The following ASIP variants were observed in gnomAD, a reference collection of about 807,000 sequenced individuals.
ASIP encodes agouti signaling protein.
In ASIP, 11 loss-of-function variants were observed where a neutral mutation model predicts 10.3. That is an observed-to-expected ratio of 1.07 (90% CI 0.68 to 1.78). ASIP has a LOEUF of 1.78. ASIP is among the 40% of genes most tolerant of loss of function. The pLI is 0.00. For synonymous variants in ASIP, 70 were observed against 70.8 expected (o/e 0.99, Z 0.06); for missense variants, 180 against 169.2 (o/e 1.06, Z -0.35).
chr20:34,213,612 G>A, intron 1 of ASIP: 1 of 1,564,694 alleles, frequency 6.4e-7, no homozygotes, highest in Admixed American at 1.7e-5. Context: ...CCTTGAATTT[G>A]GCCGTAATCT....
chr20:34,195,625 C>T (rs978933295), intron 1 of ASIP, among the ~76,000 whole-genome samples: 1 of 152,082 alleles, frequency 6.6e-6, no homozygotes, highest in Non-Finnish European at 1.5e-5. Flanking sequence ...GAAAGCTGAC[C>T]GACATTTACC....
At chr20:34,209,643 G>A (rs913947093) in intron 1 of ASIP, among the ~76,000 whole-genome samples, 1 of 152,230 alleles carries the variant, frequency 6.6e-6, no homozygotes, top group African/African-American at 2.4e-5. Flanking sequence ...CAACCCAGCC[G>A]TGTGTGCATA....
intron 1 of ASIP, among the ~76,000 whole-genome samples, chr20:34,198,709 C>G (rs1175442447): frequency 6.6e-6 from 1 of 152,106 alleles, no homozygotes. Flanking sequence ...TGGTCTCTAA[C>G]TTCAAGTGAA....
upstream of ASIP, among the ~76,000 whole-genome samples, chr20:34,237,868 G>A (rs547583238): frequency 6.6e-6 from 1 of 152,164 alleles, no homozygotes; most frequent in Non-Finnish European, 1.5e-5. Context: ...ATGAAATTAT[G>A]TTAGAGTTTG....
At chr20:34,191,435 T>G (rs2122524784), upstream of ASIP, among the ~76,000 whole-genome samples, 1 of 152,224 alleles carries the variant, frequency 6.6e-6, no homozygotes, top group Admixed American at 6.5e-5. Context: ...CACACTGTCA[T>G]CCCCATTGAA....
chr20:34,246,288 T>A, intron 1 of ASIP: 1 of 1,545,060 alleles, frequency 6.5e-7, no homozygotes, highest in East Asian at 2.4e-5. Flanking sequence ...TCCCCTGCTG[T>A]TCCTTGACCC....
intron 1 of ASIP, among the ~76,000 whole-genome samples, chr20:34,223,105 G>A (rs2035061503): frequency 6.6e-6 from 1 of 151,318 alleles, no homozygotes; most frequent in South Asian, 2.1e-4. Flanking sequence ...TGGGATGTGA[G>A]GAGCCCCTCT....
the ASIP span, among the ~76,000 whole-genome samples, chr20:34,188,946 T>C: frequency 1.3e-5 from 2 of 152,208 alleles, no homozygotes; most frequent in Non-Finnish European, 2.9e-5. Flanking sequence ...CCTATAAGCA[T>C]TATGATAGGG....
At chr20:34,186,965 C>T in the ASIP span, among the ~76,000 whole-genome samples, 1 of 152,136 alleles carries the variant, frequency 6.6e-6, no homozygotes, top group Non-Finnish European at 1.5e-5. Context: ...AGGTGCGTGC[C>T]ACCACACCTG....
chr20:34,214,984 G>A (rs532249775), intron 1 of ASIP: 28 of 1,404,794 alleles, frequency 2.0e-5, no homozygotes, highest in Middle Eastern at 1.8e-4. Flanking sequence ...TCCGTTTACC[G>A]GCTTAGAAAA....
At position 34,241,627 on chromosome 20, in the gene ASIP, G is replaced by A. The variant is rs1601590538; in HGVS notation, c.-11+138G>A. On this transcript the variant is annotated intron_variant, in intron 1 of 3. Coordinates refer to ENST00000374954, the MANE Select transcript of ASIP (RefSeq NM_001672.3). ...TTTTGATTCACTTTTGTGGGTCAGAGTAGTTAAGAGGAGTTCAGTGTGAAG... is the reference window on the plus strand; with the variant it reads ...TTTTGATTCACTTTTGTGGGTCAGAATAGTTAAGAGGAGTTCAGTGTGAAG... 1.2e-5 allele frequency: 9 copies of A among 743,938 alleles called. No homozygotes were observed. The South Asian group carries it at 4.9e-4, about 40-fold the overall frequency. The allele number at this position is 743,938 out of a possible 1,614,324, so 46.1% of individuals were successfully genotyped here. A position where few individuals can be genotyped will look rare whatever the true frequency, so the allele number is the denominator to read the frequency against.
chr20:34,235,895 AAGGAAAGG>A (rs759213263), intron 1 of ASIP, among the ~76,000 whole-genome samples: 1,051 of 80,574 alleles, frequency 0.013, 91 homozygotes, highest in African/African-American at 0.033. Context: ...GGAAGGAAGG[AAGGAAAGG>A]AAGGAAGGAA....
intron 1 of ASIP, among the ~76,000 whole-genome samples, chr20:34,225,868 A>G (rs928846727): frequency 6.6e-5 from 10 of 151,318 alleles, no homozygotes; most frequent in African/African-American, 2.4e-4. Context: ...TAAAATACTT[A>G]TGTAATAACT....
intron 1 of ASIP, among the ~76,000 whole-genome samples, chr20:34,223,064 G>A (rs981917312): frequency 2.6e-5 from 4 of 152,120 alleles, no homozygotes; most frequent in African/African-American, 4.8e-5. Context: ...TCTGGGAAGT[G>A]AGGAGTGTCT....
intron 1 of ASIP, among the ~76,000 whole-genome samples, chr20:34,228,034 G>A (rs896618309): frequency 1.1e-4 from 16 of 152,144 alleles, no homozygotes; most frequent in Admixed American, 3.3e-4. Context: ...TTAGCCATAT[G>A]CAATAAAATG....
chr20:34,199,148 G>A (rs1481248293), intron 1 of ASIP, among the ~76,000 whole-genome samples: 1 of 151,890 alleles, frequency 6.6e-6, no homozygotes, highest in African/African-American at 2.4e-5. Context: ...ACCACAATTT[G>A]TTTATCCATT....
intron 1 of ASIP, among the ~76,000 whole-genome samples, chr20:34,203,690 C>A (rs965925298): frequency 6.6e-6 from 1 of 152,146 alleles, no homozygotes; most frequent in African/African-American, 2.4e-5. Context: ...AGCCAATGCA[C>A]CCAGCCTTAT....
chr20:34,193,774 C>T (rs755256962), upstream of ASIP, among the ~76,000 whole-genome samples: 22 of 152,132 alleles, frequency 1.4e-4, no homozygotes, highest in Non-Finnish European at 2.8e-4. Context: ...AAACTATGGC[C>T]GTGCAAATCA....
intron 1 of ASIP, chr20:34,213,594 T>G: frequency 6.4e-7 from 1 of 1,562,552 alleles, no homozygotes; most frequent in Non-Finnish European, 8.8e-7. Flanking sequence ...AAAACGGGGA[T>G]ACTTGTACCT....
Sources: allele counts gnomAD v4.1 joint callset (sites outside exome capture counted in the v4.1 genomes callset), GRCh38; gene constraint gnomAD v4.1.1; transcripts MANE v1.5; gene names NCBI Gene and HGNC (gene_info 2026-07-23, HGNC 2026-07-21).